C9orf152: variants seen among roughly 807,000 people sequenced by gnomAD.
C9orf152 encodes chromosome 9 open reading frame 152.
Under a neutral mutation model 8.5 loss-of-function variants are expected in C9orf152, and 8 were observed. The observed-to-expected ratio is 0.94, with a 90% confidence interval of 0.55 to 1.70. The LOEUF (loss-of-function observed/expected upper bound fraction) is 1.70, where lower values mean the gene tolerates loss of function less well. Ranked by LOEUF, C9orf152 falls within the 40% of genes most tolerant of loss-of-function variation. The pLI is 0.00. For missense variants in C9orf152, 293 were observed against 286.2 expected (o/e 1.02, Z -0.17); for synonymous variants, 109 against 113.0 (o/e 0.96, Z 0.22).
Position 110,207,827 on chromosome 9 carries a change from A to C in C9orf152, c.-248T>G. ...ACAGTGGCAGTAAGAGGAGAAGGAA[A>C]TGTCAGAGGAAAGAAGGGGCAGCGA... On this transcript the variant is annotated 5_prime_UTR_variant, in exon 1 of 2. Transcript: ENST00000400613. 13 of 440,534 alleles carry C rather than the reference A, an allele frequency of 3.0e-5. No homozygotes were observed. Among genetic ancestry groups the C allele is most frequent in the East Asian group, 8.5e-5 (2 of 23,572 alleles). 27.3% of individuals were successfully genotyped at this position (440,534 alleles called of 1,614,324 possible).
At chr9:110,203,088 C>T (rs1467237398) in intron 1 of C9orf152, among the ~76,000 whole-genome samples, 5 of 146,380 alleles carry the variant, frequency 3.4e-5, no homozygotes, top group African/African-American at 1.0e-4. Context: ...GATCTTGGCT[C>T]ACTGCAACCT....
rs890263858 is a variant in C9orf152 at position 110,200,648 on chromosome 9, T to A, written c.*300A>T. 3.5e-6 allele frequency: 1 copy of A among 286,122 alleles called. No individual in the cohort carries two copies. Among genetic ancestry groups the A allele is most frequent in the Non-Finnish European group, 6.4e-6 (1 of 155,920 alleles). 17.7% of individuals were successfully genotyped at this position (286,122 alleles called of 1,614,324 possible). A position where few individuals can be genotyped will look rare whatever the true frequency, so the allele number is the denominator to read the frequency against. ...TCCAGTTCCAGGGATGGAGCAGATG[T>A]CTTACTGGTCCTCCCCAAGGAATGG... On this transcript the variant is annotated 3_prime_UTR_variant, in exon 2 of 2. Transcript: ENST00000400613.
chr9:110,205,609 G>C (rs2118504561), intron 1 of C9orf152, among the ~76,000 whole-genome samples: 1 of 152,254 alleles, frequency 6.6e-6, no homozygotes, highest in East Asian at 1.9e-4. Flanking sequence ...ATTCCCAATT[G>C]ACAGGTGAGG....
chr9:110,207,426 G>A lies in C9orf152; in HGVS notation c.154C>T (p.Gln52Ter). 1.9e-6 allele frequency: 3 copies of A among 1,613,192 alleles called. No homozygotes were observed. Among genetic ancestry groups the A allele is most frequent in the Non-Finnish European group, 1.7e-6 (2 of 1,179,590 alleles). ...LRAQYEGLKR[Q>*]QRTQAHLLVL... ...AGGAGGTGGGCCTGGGTCCTCTGCT[G>A]CCTCTTCAAGCCTTCATACTGGGCT... The change falls in exon 1 of 2, where the codon CAG (glutamine) becomes TAG (stop). Residue 52 changes from glutamine to a stop codon, truncating the protein, a stop_gained. Transcript: ENST00000400613. LOFTEE classifies it low-confidence loss of function (END_TRUNC).
Position 110,200,929 on chromosome 9 carries a change from T to A in C9orf152, c.*19A>T. 1 of 1,575,108 alleles carries A rather than the reference T, an allele frequency of 6.3e-7. No individual in the cohort carries two copies. Among genetic ancestry groups the A allele is most frequent in the African/African-American group, 1.4e-5 (1 of 73,638 alleles). On this transcript the variant is annotated 3_prime_UTR_variant, in exon 2 of 2. Transcript: ENST00000400613. ...CATAGGTGGCCTCAAGGTCAAGACA[T>A]CTGGCAGAATAGAAAGCTTCACGCT...
intron 1 of C9orf152, among the ~76,000 whole-genome samples, chr9:110,204,075 C>A (rs888520468): frequency 1.3e-5 from 2 of 152,202 alleles, no homozygotes; most frequent in African/African-American, 4.8e-5. Context: ...AGCTACCTTA[C>A]AAGGCTGCCA....
In C9orf152 at chr9:110,199,912, G is replaced by A. The variant is rs1020543587; in HGVS notation, c.*1036C>T. 6 of 152,120 alleles carry A rather than the reference G, an allele frequency of 3.9e-5. No individual in the cohort carries two copies. The highest frequency in any genetic ancestry group is 6.5e-5 in the Admixed American group (1 of 15,272). 9.4% of individuals were successfully genotyped at this position (152,120 alleles called of 1,614,324 possible). A position where few individuals can be genotyped will look rare whatever the true frequency, so the allele number is the denominator to read the frequency against. ...CTATCACCCAAGTGACACCTGCTTC[G>A]CTTTGTCTTAGGTTTAAAAATATAT... On this transcript the variant is annotated 3_prime_UTR_variant, in exon 2 of 2. Transcript: ENST00000400613.
chr9:110,203,078 G>A (rs1002475294), intron 1 of C9orf152, among the ~76,000 whole-genome samples: 3 of 144,050 alleles, frequency 2.1e-5, no homozygotes, highest in Admixed American at 7.3e-5. Flanking sequence ...GCAATGGCGC[G>A]ATCTTGGCTC....
rs1467848519 is a variant in C9orf152, at chr9:110,201,484, G to C, written c.194-10C>G. On this transcript the variant is annotated splice_polypyrimidine_tract_variant and intron_variant, in intron 1 of 1. Coordinates refer to ENST00000400613, the MANE Select transcript of C9orf152 (RefSeq NM_001012993.3). ...GCAGGTGTGTTTCCTCCTGAAAAGA[G>C]AATGCACCAGCAGGGTCATCACTGG... 1 of 1,502,962 alleles carries C rather than the reference G, an allele frequency of 6.7e-7. No individual in the cohort carries two copies. Among genetic ancestry groups the C allele is most frequent in the East Asian group, 2.3e-5 (1 of 43,958 alleles). 93.1% of individuals were successfully genotyped at this position (1,502,962 alleles called of 1,614,324 possible). A position where few individuals can be genotyped will look rare whatever the true frequency, so the allele number is the denominator to read the frequency against.
At chr9:110,206,048 G>T (rs1360247990) in intron 1 of C9orf152, among the ~76,000 whole-genome samples, 11 of 127,010 alleles carry the variant, frequency 8.7e-5, no homozygotes, top group African/African-American at 3.3e-4. Flanking sequence ...AACAGAGTGA[G>T]AATCTGTCTC....
chr9:110,199,738 T>C lies in C9orf152; in HGVS notation c.*1210A>G, dbSNP rs890825423. The C allele has an allele frequency of 6.6e-6, 1 of 152,118 alleles. No individual in the cohort carries two copies. Among genetic ancestry groups the C allele is most frequent in the Non-Finnish European group, 1.5e-5 (1 of 68,018 alleles). The allele number at this position is 152,118 out of a possible 1,614,324, so 9.4% of individuals were successfully genotyped here. ...ACTAGTTAACAGCTCTGGATGTAGA[T>C]GGGCAAGACTGGACGGCCATGCAGA... is the stretch of plus-strand genomic sequence containing the variant. On this transcript the variant is annotated 3_prime_UTR_variant, in exon 2 of 2. Transcript: ENST00000400613.
chr9:110,201,995 A>G (rs1191884980), intron 1 of C9orf152, among the ~76,000 whole-genome samples: 3 of 152,188 alleles, frequency 2.0e-5, no homozygotes, highest in African/African-American at 7.2e-5. Context: ...ACAGACTCAC[A>G]CACATGTGGG....
chr9:110,207,182 C>G (rs1837282279), intron 1 of C9orf152, among the ~76,000 whole-genome samples: 1 of 152,234 alleles, frequency 6.6e-6, no homozygotes, highest in South Asian at 2.1e-4. Flanking sequence ...AGGCCAGGAA[C>G]AGTGCTGGCA....
At chr9:110,203,305 G>A (rs1182733956) in intron 1 of C9orf152, among the ~76,000 whole-genome samples, 1 of 152,118 alleles carries the variant, frequency 6.6e-6, no homozygotes, top group East Asian at 1.9e-4. Flanking sequence ...TTACAGGCGT[G>A]AGCCACCGCG....
At chr9:110,204,794 A>G (rs1174480031) in intron 1 of C9orf152, among the ~76,000 whole-genome samples, 1 of 152,068 alleles carries the variant, frequency 6.6e-6, no homozygotes, top group East Asian at 1.9e-4. Flanking sequence ...TCTGGCAACC[A>G]CCATTCTGCT....
rs1564358803 is a variant in C9orf152, at chr9:110,207,464, A to T, written c.116T>A (p.Ile39Asn). The T allele has an allele frequency of 6.2e-7, 1 of 1,613,290 alleles. No individual in the cohort carries two copies. The highest frequency in any genetic ancestry group is 8.5e-7 in the Non-Finnish European group (1 of 1,179,696). ...TTCATACTGGGCTCGCAGGAACTGG[A>T]TGCTGAGTGGGGGCCCTTTCCCAGG... ...QAPGKGPPLS[I>N]QFLRAQYEGL... Residue 39 changes from isoleucine to asparagine, a missense_variant, in exon 1 of 2, where the codon ATC becomes AAC. Coordinates refer to ENST00000400613, the MANE Select transcript of C9orf152 (RefSeq NM_001012993.3).
intron 1 of C9orf152, among the ~76,000 whole-genome samples, chr9:110,203,224 T>C (rs1012905799): frequency 2.6e-5 from 4 of 151,838 alleles, no homozygotes; most frequent in East Asian, 1.9e-4. Context: ...GGGGTTTCAC[T>C]GTGTTAGCCA....
chr9:110,203,256 C>T (rs550199317), intron 1 of C9orf152, among the ~76,000 whole-genome samples: 215 of 152,190 alleles, frequency 1.4e-3, no homozygotes, highest in Admixed American at 3.9e-3. Flanking sequence ...ATTTCCTGAC[C>T]TTGTGATCCG....
Position 110,207,725 on chromosome 9 carries a change from A to T in C9orf152, c.-146T>A. 1.8e-6 allele frequency: 1 copy of T among 567,136 alleles called. No individual in the cohort carries two copies. Among genetic ancestry groups the T allele is most frequent in the Non-Finnish European group, 3.0e-6 (1 of 335,262 alleles). The allele number at this position is 567,136 out of a possible 1,614,324, so 35.1% of individuals were successfully genotyped here. A position where few individuals can be genotyped will look rare whatever the true frequency, so the allele number is the denominator to read the frequency against. On this transcript the variant is annotated 5_prime_UTR_variant, in exon 1 of 2. Transcript: ENST00000400613. Reference sequence around the variant, plus strand: ...TGGGACTGAGGAAGGAGATAGAAAAATAAGGGGGAAGGAGAAAGATGAAGG... The same window carrying T: ...TGGGACTGAGGAAGGAGATAGAAAATTAAGGGGGAAGGAGAAAGATGAAGG...
Sources: gnomAD v4.1 joint callset for allele counts (sites outside exome capture counted in the v4.1 genomes callset) on GRCh38, gnomAD v4.1.1 for gene constraint, MANE v1.5 for transcripts, NCBI Gene and HGNC (gene_info 2026-07-23, HGNC 2026-07-21) for gene names.